PTDSS2: variants seen among roughly 807,000 people sequenced by gnomAD.
PTDSS2 encodes PSS-2.
Under a neutral mutation model 64.7 loss-of-function variants are expected in PTDSS2, and 41 were observed. That is an observed-to-expected ratio of 0.63 (90% CI 0.49 to 0.82). PTDSS2 has a LOEUF of 0.82. Ranked by LOEUF, PTDSS2 falls within the 40% of genes least tolerant of loss-of-function variation. The pLI is 0.00. For synonymous variants in PTDSS2, 297 were observed against 277.8 expected (o/e 1.07, Z -0.69); for missense variants, 485 against 650.0 (o/e 0.75, Z 2.76).
intron 2 of PTDSS2, among the ~76,000 whole-genome samples, chr11:465,139 T>A (rs1847086000): frequency 6.6e-6 from 1 of 152,208 alleles, no homozygotes; most frequent in Admixed American, 6.5e-5. Flanking sequence ...TCACAAAACC[T>A]AATTCTAAAT....
intron 2 of PTDSS2, among the ~76,000 whole-genome samples, chr11:465,029 G>A (rs1847081792): frequency 6.6e-6 from 1 of 152,178 alleles, no homozygotes; most frequent in Non-Finnish European, 1.5e-5. Flanking sequence ...CCTTGACAAA[G>A]GAACAAAGGC....
In PTDSS2 at chr11:479,648, G is replaced by A. The variant is rs1847982493; in HGVS notation, c.435+496G>A. 6.6e-6 allele frequency among the ~76,000 whole-genome samples: 1 copy of A among 152,240 alleles called. No individual in the cohort carries two copies. On this transcript the variant is annotated intron_variant, in intron 4 of 11. Coordinates refer to ENST00000308020, the MANE Select transcript of PTDSS2 (RefSeq NM_030783.3). The surrounding 1 kb of genome is among the most constrained non-coding windows in gnomAD (Gnocchi z 4.2). ...CAGAGGGGACCCCAGCGCCAAGAGG[G>A]ACGGGGTCTTTGTTTTTGTGTTTTG...
chr11:469,265 G>A (rs1428002001), intron 2 of PTDSS2, among the ~76,000 whole-genome samples: 20 of 128,128 alleles, frequency 1.6e-4, no homozygotes, highest in African/African-American at 5.8e-4. Flanking sequence ...GGAGGAGGAG[G>A]GCAGTCTCTG....
Position 460,007 on chromosome 11 carries a change from C to G in PTDSS2, c.183-180C>G. The G allele has an allele frequency of 1.7e-6, 1 of 590,542 alleles. No individual in the cohort carries two copies. The highest frequency in any genetic ancestry group is 3.1e-6 in the Non-Finnish European group (1 of 324,900). 36.6% of individuals were successfully genotyped at this position (590,542 alleles called of 1,614,324 possible). A position where few individuals can be genotyped will look rare whatever the true frequency, so the allele number is the denominator to read the frequency against. ...GCTGGTCTCAGCCCTGACTGGCCAG[C>G]AGACGCAGGGTCATCTCGGAGTTAC... On this transcript the variant is annotated intron_variant, in intron 1 of 11. Transcript: ENST00000308020. The surrounding 1 kb of genome is among the most constrained non-coding windows in gnomAD (Gnocchi z 5.8).
At chr11:485,654 CTG>C (rs1304300606) in intron 4 of PTDSS2, among the ~76,000 whole-genome samples, 17 of 134,722 alleles carry the variant, frequency 1.3e-4, no homozygotes, top group East Asian at 4.7e-4. Context: ...TGTGTGCTCA[CTG>C]TGCGCAGGCG....
intron 4 of PTDSS2, among the ~76,000 whole-genome samples, chr11:483,349 C>G (rs12798676): frequency 6.4e-5 from 8 of 124,848 alleles, no homozygotes; most frequent in South Asian, 2.9e-4. Context: ...CTACCGAGTG[C>G]AGAAAGTTCT....
chr11:479,278 CA>C lies in PTDSS2; in HGVS notation c.435+129del. 1.2e-6 allele frequency: 1 copy of C among 848,800 alleles called. No individual in the cohort carries two copies. 52.6% of individuals were successfully genotyped at this position (848,800 alleles called of 1,614,324 possible). On this transcript the variant is annotated intron_variant, in intron 4 of 11. Coordinates refer to ENST00000308020, the MANE Select transcript of PTDSS2 (RefSeq NM_030783.3). The surrounding 1 kb of genome is among the most constrained non-coding windows in gnomAD (Gnocchi z 4.2). ...GGGAGGAAGCAGGGCTAGACCCCCA[CA>C]AAGTAGGCCGAGCTGCGGGGGGTCT...
chr11:489,252 G>C, intron 8 of PTDSS2, 148 bp from the exon 9 acceptor site: 1 of 655,406 alleles, frequency 1.5e-6, no homozygotes, highest in African/African-American at 1.8e-5. Flanking sequence ...GTGGCCCGAT[G>C]GCACAGGGCG....
At chr11:450,718 G>A in intron 1 of PTDSS2, 81 bp downstream of exon 1, 1 of 1,159,358 alleles carries the variant, frequency 8.6e-7, no homozygotes, top group Non-Finnish European at 1.1e-6. Flanking sequence ...GGGGTCCCCG[G>A]CAGCGCCCTC....
At chr11:459,003 C>T (rs1846730877) in intron 1 of PTDSS2, 1 of 152,284 alleles carries the variant, frequency 6.6e-6, no homozygotes, top group Non-Finnish European at 1.5e-5. Context: ...AGGGGTGCAT[C>T]ATCTCTCCAA....
Position 456,803 on chromosome 11 carries a change from C to T in PTDSS2, c.183-3384C>T, listed in dbSNP as rs553894387. 3.3e-5 allele frequency among the ~76,000 whole-genome samples: 5 copies of T among 152,270 alleles called. 1 individual carries two copies. The South Asian group carries it at 1.0e-3, about 32-fold the overall frequency. On this transcript the variant is annotated intron_variant, in intron 1 of 11. Transcript: ENST00000308020. ...GGTCTCTCAGTACTGAAGGGCCCCA[C>T]GGTGTGGAGCTCAGCAGGAAGGCTG...
At position 479,649 on chromosome 11, in the gene PTDSS2, A is replaced by C. The variant is rs967656433; in HGVS notation, c.435+497A>C. The stretch of plus-strand genomic sequence containing the variant: ...AGAGGGGACCCCAGCGCCAAGAGGG[A>C]CGGGGTCTTTGTTTTTGTGTTTTGT... On this transcript the variant is annotated intron_variant, in intron 4 of 11. Coordinates refer to ENST00000308020, the MANE Select transcript of PTDSS2 (RefSeq NM_030783.3). This position sits in a 1 kb window ranked among gnomAD's most constrained non-coding sequence, Gnocchi z 4.2. Among the ~76,000 whole-genome samples, 3 of 152,132 alleles carry C rather than the reference A, an allele frequency of 2.0e-5. No homozygotes were observed. The highest frequency in any genetic ancestry group is 4.4e-5 in the Non-Finnish European group (3 of 68,018).
At chr11:475,213 CTT>C (rs1490945170) in intron 3 of PTDSS2, among the ~76,000 whole-genome samples, 2 of 62,364 alleles carry the variant, frequency 3.2e-5, no homozygotes, top group South Asian at 3.7e-4. Flanking sequence ...ATAATCACGT[CTT>C]TGTGTATATG....
rs557127256 is a variant in PTDSS2 at position 476,619 on chromosome 11, C to A, written c.368-2466C>A. On this transcript the variant is annotated intron_variant, in intron 3 of 11. Coordinates refer to ENST00000308020, the MANE Select transcript of PTDSS2 (RefSeq NM_030783.3). The surrounding 1 kb of genome is among the most constrained non-coding windows in gnomAD (Gnocchi z 4.9). Reference sequence around the variant, plus strand: ...GACCCCTGGCACAGGGAGAGACTCCCGGGAGACCCTCAGCTCTGAGCAGTC... The same window carrying A: ...GACCCCTGGCACAGGGAGAGACTCCAGGGAGACCCTCAGCTCTGAGCAGTC... Among the ~76,000 whole-genome samples, 2 of 152,234 alleles carry A rather than the reference C, an allele frequency of 1.3e-5. No homozygotes were observed. Among genetic ancestry groups the A allele is most frequent in the Non-Finnish European group, 1.5e-5 (1 of 68,010 alleles).
Position 479,883 on chromosome 11 carries a change from T to G in PTDSS2, c.435+731T>G, listed in dbSNP as rs1309003707. On this transcript the variant is annotated intron_variant, in intron 4 of 11. Transcript: ENST00000308020. The surrounding 1 kb of genome is among the most constrained non-coding windows in gnomAD (Gnocchi z 4.2). ...GGCTGTCTTCAGCTTACAAAGGACT[T>G]TATTATTCCCAATCTTAAAACTCCA... 6.6e-6 allele frequency among the ~76,000 whole-genome samples: 1 copy of G among 152,234 alleles called. No homozygotes were observed. Among genetic ancestry groups the G allele is most frequent in the East Asian group, 1.9e-4 (1 of 5,204 alleles).
intron 6 of PTDSS2, 43 bp from the exon 7 acceptor site, chr11:488,156 T>C (rs200943113): frequency 5.9e-5 from 84 of 1,429,502 alleles, no homozygotes; most frequent in African/African-American, 1.0e-4. Context: ...CAGGGCCGGG[T>C]GTGGCCGGCG....
At chr11:483,921 C>T (rs1848181654) in intron 4 of PTDSS2, among the ~76,000 whole-genome samples, 1 of 152,192 alleles carries the variant, frequency 6.6e-6, no homozygotes, top group Non-Finnish European at 1.5e-5. Context: ...CGAGATGTGT[C>T]TGTCAGGCTT....
At chr11:487,201 T>G (rs61876334) in intron 5 of PTDSS2, 128 bp downstream of exon 5, 7 of 1,053,542 alleles carry the variant, frequency 6.6e-6, no homozygotes, top group Admixed American at 2.1e-5. Context: ...AGAGATGTGC[T>G]GAGGCCCTGT....
chr11:449,623 G>T (rs1186437374), upstream of PTDSS2, among the ~76,000 whole-genome samples: 1 of 152,058 alleles, frequency 6.6e-6, no homozygotes, highest in Non-Finnish European at 1.5e-5. Context: ...CACCATTTTC[G>T]CCCGCCCAAT....
Sources: gnomAD v4.1 joint callset for allele counts (sites outside exome capture counted in the v4.1 genomes callset) on GRCh38, gnomAD v4.1.1 for gene constraint, Gnocchi (gnomAD v3.1) non-coding constraint, MANE v1.5 for transcripts, NCBI Gene and HGNC (gene_info 2026-07-23, HGNC 2026-07-21) for gene names.